DPP6: variants seen among roughly 807,000 people sequenced by gnomAD.
DPP6 encodes dipeptidyl peptidase like 6.
Under a neutral mutation model 122.6 loss-of-function variants are expected in DPP6, and 69 were observed. That is an observed-to-expected ratio of 0.56 (90% CI 0.46 to 0.69). The LOEUF (loss-of-function observed/expected upper bound fraction) is 0.69. Among genes scored for constraint, DPP6 ranks in the 30% least tolerant of loss-of-function variants. The pLI, the probability that DPP6 is intolerant of heterozygous loss-of-function variation, is 0.00. For missense variants in DPP6, 928 were observed against 1,116.9 expected (o/e 0.83, Z 2.41); for synonymous variants, 418 against 433.1 (o/e 0.97, Z 0.43).
chr7:153,791,273 A>G, the DPP6 span, among the ~76,000 whole-genome samples: 1 of 150,784 alleles, frequency 6.6e-6, no homozygotes, highest in African/African-American at 2.4e-5. Context: ...TGTCACTGAC[A>G]CTTTGTTTTA....
intron 1 of DPP6, among the ~76,000 whole-genome samples, chr7:154,351,555 C>T (rs1810859226): frequency 6.6e-6 from 1 of 152,192 alleles, no homozygotes; most frequent in Non-Finnish European, 1.5e-5. Context: ...CCTGGAGGGA[C>T]CCTGCCTGCC....
intron 1 of DPP6, among the ~76,000 whole-genome samples, chr7:154,018,003 A>G (rs1375840759): frequency 1.3e-5 from 2 of 152,202 alleles, no homozygotes; most frequent in Admixed American, 6.5e-5. Context: ...GCCAGATGAA[A>G]TTCACATGAA....
Position 154,600,676 on chromosome 7 carries a change from A to C in DPP6, c.627+33760A>C, listed in dbSNP as rs772695553. On this transcript the variant is annotated intron_variant, in intron 5 of 25. Coordinates refer to ENST00000377770, the MANE Select transcript of DPP6 (RefSeq NM_130797.4). ...TGGGAATTTGGGAAGCCAAGTTGGA[A>C]ACTCAGATCTACTAATTTTCAAAGC... Among the ~76,000 whole-genome samples the C allele has an allele frequency of 3.3e-5, 4 of 121,674 alleles. 1 individual carries two copies. Among genetic ancestry groups the C allele is most frequent in the Non-Finnish European group, 5.6e-5 (3 of 53,864 alleles). The allele number at this position is 121,674 out of a possible 152,430, so 79.8% of individuals were successfully genotyped here.
At chr7:153,909,862 G>A (rs753596980) in intron 1 of DPP6, among the ~76,000 whole-genome samples, 10 of 152,034 alleles carry the variant, frequency 6.6e-5, no homozygotes, top group African/African-American at 9.7e-5. Flanking sequence ...GGGACTGCTG[G>A]CTGATATCAC....
intron 1 of DPP6, among the ~76,000 whole-genome samples, chr7:154,390,070 G>A (rs533852035): frequency 7.2e-5 from 11 of 152,292 alleles, no homozygotes; most frequent in Admixed American, 2.6e-4. Context: ...GTATGAGTGT[G>A]GAAAGGAGCT....
rs935440500 is a variant in DPP6 at position 154,384,901 on chromosome 7, T to C, written c.244-61313T>C. On this transcript the variant is annotated intron_variant, in intron 1 of 25. Coordinates refer to ENST00000377770, the MANE Select transcript of DPP6 (RefSeq NM_130797.4). ...ACTGTTACAGATGATGATATAGCTC[T>C]AAAGGAAATTGTCTATACTATATTC... 2.0e-5 allele frequency among the ~76,000 whole-genome samples: 3 copies of C among 152,116 alleles called. No individual in the cohort carries two copies. In the South Asian group the frequency reaches 6.2e-4, roughly 31 times the overall value.
chr7:153,917,308 G>C (rs916356922), intron 1 of DPP6, among the ~76,000 whole-genome samples: 7 of 152,222 alleles, frequency 4.6e-5, no homozygotes, highest in African/African-American at 1.7e-4. Flanking sequence ...TGGGAGCAGA[G>C]GCCTGCTTGG....
At chr7:154,495,545 A>G (rs1824661093) in intron 3 of DPP6, among the ~76,000 whole-genome samples, 1 of 152,010 alleles carries the variant, frequency 6.6e-6, no homozygotes, top group Non-Finnish European at 1.5e-5. Flanking sequence ...ATGCGCCACC[A>G]TGCCCGGCTA....
intron 1 of DPP6, among the ~76,000 whole-genome samples, chr7:154,038,250 G>A (rs1799628414): frequency 1.4e-5 from 2 of 138,030 alleles, no homozygotes; most frequent in Admixed American, 1.4e-4. Flanking sequence ...GGAGATGGAA[G>A]TAGTCCCTCC....
intron 1 of DPP6, among the ~76,000 whole-genome samples, chr7:154,234,686 C>T (rs1190969416): frequency 2.0e-5 from 3 of 152,162 alleles, no homozygotes; most frequent in Non-Finnish European, 4.4e-5. Context: ...CACATGCACA[C>T]ACACTTTCTG....
intron 4 of DPP6, among the ~76,000 whole-genome samples, chr7:154,546,228 T>C (rs1156465764): frequency 6.6e-6 from 1 of 152,202 alleles, no homozygotes; most frequent in Non-Finnish European, 1.5e-5. Context: ...CTAACAACTA[T>C]ATATATTGAA....
chr7:154,771,788 T>A, intron 9 of DPP6, among the ~76,000 whole-genome samples: 1 of 152,238 alleles, frequency 6.6e-6, no homozygotes, highest in East Asian at 1.9e-4. Flanking sequence ...CTTTTTCAGC[T>A]AACCTTGATT....
At chr7:154,371,738 C>T (rs1812693418) in intron 1 of DPP6, among the ~76,000 whole-genome samples, 2 of 152,108 alleles carry the variant, frequency 1.3e-5, no homozygotes, top group African/African-American at 4.8e-5. Flanking sequence ...GCCAGGTGTA[C>T]ACCCGGGCAG....
chr7:153,964,940 TTTTCTTTCTTTCTC>T (rs1795596087), intron 1 of DPP6, among the ~76,000 whole-genome samples: 1 of 86,702 alleles, frequency 1.2e-5, no homozygotes, highest in African/African-American at 6.2e-5. Flanking sequence ...CTTTCTTTCT[TTTTCTTTCTTTCTC>T]TCTTTCTTTC....
At chr7:154,574,474 GTGTGGTGTGTGTATGTGTA>G (rs1385495018) in intron 5 of DPP6, among the ~76,000 whole-genome samples, 11 of 135,732 alleles carry the variant, frequency 8.1e-5, no homozygotes, top group South Asian at 2.5e-4. Flanking sequence ...GTGTATATGT[GTGTGGTGTGTGTATGTGTA>G]TGTGGTGTGT....
chr7:154,058,498 C>A (rs374433456), intron 1 of DPP6: 2 of 133,060 alleles, frequency 1.5e-5, no homozygotes, highest in African/African-American at 5.8e-5. Context: ...GCACCCTCCG[C>A]GAGGCAGGGA....
intron 3 of DPP6, among the ~76,000 whole-genome samples, chr7:154,501,841 G>C (rs558272309): frequency 4.6e-5 from 7 of 152,256 alleles, no homozygotes; most frequent in African/African-American, 1.7e-4. Context: ...CAGAATGGTA[G>C]ATCCCTTGAA....
At chr7:154,679,651 TTAATG>T (rs985681240) in intron 7 of DPP6, among the ~76,000 whole-genome samples, 1 of 152,192 alleles carries the variant, frequency 6.6e-6, no homozygotes, top group African/African-American at 2.4e-5. Context: ...AGGAGAGTCT[TTAATG>T]AAATGTCCTA....
intron 7 of DPP6, among the ~76,000 whole-genome samples, chr7:154,684,644 C>T (rs1839491283): frequency 6.6e-6 from 1 of 152,196 alleles, no homozygotes; most frequent in Admixed American, 6.5e-5. Flanking sequence ...CCACATGGGT[C>T]CCAATTACCA....
Sources: allele counts gnomAD v4.1 joint callset (sites outside exome capture counted in the v4.1 genomes callset), GRCh38; gene constraint gnomAD v4.1.1; transcripts MANE v1.5; gene names NCBI Gene and HGNC (gene_info 2026-07-23, HGNC 2026-07-21).